ADAMTS16: variants seen among roughly 807,000 people sequenced by gnomAD.
The protein encoded by ADAMTS16 is A disintegrin and metalloproteinase with thrombospondin motifs 16.
Under a neutral mutation model 145.8 loss-of-function variants are expected in ADAMTS16, and 94 were observed. That is an observed-to-expected ratio of 0.64 (90% CI 0.55 to 0.77). The LOEUF is 0.77. Ranked by LOEUF, ADAMTS16 falls within the 30% of genes least tolerant of loss-of-function variation. ADAMTS16 has a pLI of 0.00. For synonymous variants in ADAMTS16, 659 were observed against 604.3 expected (o/e 1.09, Z -1.33); for missense variants, 1,585 against 1,591.5 (o/e 1.00, Z 0.07).
chr5:5,218,104 A>G (rs1736486544), intron 10 of ADAMTS16, among the ~76,000 whole-genome samples: 1 of 152,270 alleles, frequency 6.6e-6, no homozygotes, highest in African/African-American at 2.4e-5. Flanking sequence ...GACCTACAAC[A>G]ATAGTGCTTT....
rs75192078 is a variant in ADAMTS16 at position 5,301,829 on chromosome 5, C to T, written c.2790-1439C>T. Among the ~76,000 whole-genome samples, 1,235 of 152,296 alleles carry T rather than the reference C, an allele frequency of 8.1e-3. 40 individuals are homozygous for T. The highest frequency in any genetic ancestry group is 0.062 in the Admixed American group (950 of 15,300). On this transcript the variant is annotated intron_variant, in intron 18 of 22. Transcript: ENST00000274181. ...GCCGTAGAGTGGAAGACAGGATGCC[C>T]CTGTCCTGGGTTCTCAGCACAGACA...
At chr5:5,197,093 C>T (rs1166880901) in intron 8 of ADAMTS16, among the ~76,000 whole-genome samples, 2 of 152,156 alleles carry the variant, frequency 1.3e-5, no homozygotes, top group African/African-American at 4.8e-5. Flanking sequence ...TACCTGTGGT[C>T]GCCATCATTA....
chr5:5,262,921 G>A, intron 18 of ADAMTS16, 138 bp downstream of exon 18: 1 of 1,271,160 alleles, frequency 7.9e-7, no homozygotes. Context: ...AAGGGGACAA[G>A]AGCTGCCTGG....
intron 18 of ADAMTS16, among the ~76,000 whole-genome samples, chr5:5,287,099 T>C (rs924652918): frequency 2.0e-5 from 3 of 152,192 alleles, no homozygotes; most frequent in Non-Finnish European, 4.4e-5. Context: ...ATTCATTTCC[T>C]GGAGCTGATT....
intron 17 of ADAMTS16, among the ~76,000 whole-genome samples, chr5:5,259,048 G>C (rs867865241): frequency 2.6e-5 from 4 of 152,104 alleles, no homozygotes; most frequent in Non-Finnish European, 5.9e-5. Context: ...CCCACCCCTC[G>C]GTACCCGTGT....
intron 21 of ADAMTS16, 33 bp downstream of exon 21, chr5:5,306,761 C>T (rs755911183): frequency 1.6e-5 from 25 of 1,548,116 alleles, no homozygotes; most frequent in African/African-American, 6.8e-5. Context: ...GGAGAGTGGG[C>T]GAGCACAGCT....
At chr5:5,201,210 G>A (rs934610255) in intron 9 of ADAMTS16, among the ~76,000 whole-genome samples, 2 of 152,152 alleles carry the variant, frequency 1.3e-5, no homozygotes, top group Non-Finnish European at 2.9e-5. Flanking sequence ...CGGGACAAGG[G>A]TGGTGTTCCT....
chr5:5,276,913 G>A (rs892455482), intron 18 of ADAMTS16, among the ~76,000 whole-genome samples: 1 of 151,918 alleles, frequency 6.6e-6, no homozygotes, highest in Non-Finnish European at 1.5e-5. Context: ...TGTTTATTAA[G>A]AATAAATATG....
rs1030367437 is a variant in ADAMTS16 at position 5,241,928 on chromosome 5, T to C, written c.2524-125T>C. 39 of 1,139,670 alleles carry C rather than the reference T, an allele frequency of 3.4e-5. No homozygotes were observed. The Admixed American group carries it at 9.8e-4, about 29-fold the overall frequency. The allele number at this position is 1,139,670 out of a possible 1,614,324, so 70.6% of individuals were successfully genotyped here. On this transcript the variant is annotated intron_variant, in intron 16 of 22. Coordinates refer to ENST00000274181, the MANE Select transcript of ADAMTS16 (RefSeq NM_139056.4). ...TAAAGTTTGGATGATAGTCTGAATG[T>C]ATTTTATCATCATAACAAACTTCTT...
At chr5:5,170,245 G>T (rs1172983972) in intron 3 of ADAMTS16, among the ~76,000 whole-genome samples, 2 of 152,176 alleles carry the variant, frequency 1.3e-5, no homozygotes, top group African/African-American at 4.8e-5. Context: ...CCATTTTACT[G>T]AAGTGAGATA....
intron 18 of ADAMTS16, among the ~76,000 whole-genome samples, chr5:5,295,686 C>A (rs1330489998): frequency 6.6e-6 from 1 of 152,192 alleles, no homozygotes; most frequent in Admixed American, 6.5e-5. Flanking sequence ...CAGGGAGGAG[C>A]CCATCCAGGC....
At chr5:5,296,707 G>A (rs965948573) in intron 18 of ADAMTS16, among the ~76,000 whole-genome samples, 12 of 152,318 alleles carry the variant, frequency 7.9e-5, no homozygotes, top group African/African-American at 2.9e-4. Flanking sequence ...GCAGGTGTTT[G>A]AGAGCCCCAC....
Position 5,317,683 on chromosome 5 carries a change from C to A in ADAMTS16, c.3412-451C>A, listed in dbSNP as rs1734109843. Among the ~76,000 whole-genome samples the A allele has an allele frequency of 6.6e-6, 1 of 152,192 alleles. No individual in the cohort carries two copies. The highest frequency in any genetic ancestry group is 1.5e-5 in the Non-Finnish European group (1 of 68,046). ...AAAGTGCTGGGATTACAGGCATGAG[C>A]CACCGTGCCCGGCAGTATATTTACT... On this transcript the variant is annotated intron_variant, in intron 21 of 22. Coordinates refer to ENST00000274181, the MANE Select transcript of ADAMTS16 (RefSeq NM_139056.4). This position sits in a 1 kb window ranked among gnomAD's most constrained non-coding sequence, Gnocchi z 4.5.
At chr5:5,312,472 A>T (rs1579418716) in intron 21 of ADAMTS16, among the ~76,000 whole-genome samples, 1 of 133,120 alleles carries the variant, frequency 7.5e-6, no homozygotes. Context: ...TTTGAGACAG[A>T]GTTTTGCTCT....
chr5:5,266,689 G>A (rs930590515), intron 18 of ADAMTS16, among the ~76,000 whole-genome samples: 1 of 152,122 alleles, frequency 6.6e-6, no homozygotes, highest in Non-Finnish European at 1.5e-5. Flanking sequence ...CAGTGGGAAG[G>A]GAGCTCTCCT....
chr5:5,203,251 C>T (rs554318303), intron 9 of ADAMTS16, among the ~76,000 whole-genome samples: 5 of 152,262 alleles, frequency 3.3e-5, no homozygotes, highest in East Asian at 1.9e-4. Context: ...TCATTTTACT[C>T]GAAAACCAGT....
intron 3 of ADAMTS16, among the ~76,000 whole-genome samples, chr5:5,156,096 G>T (rs143908726): frequency 6.6e-6 from 1 of 152,188 alleles, no homozygotes; most frequent in Admixed American, 6.6e-5. Flanking sequence ...TAGACTGTCC[G>T]CATTGTGTGG....
At chr5:5,309,919 T>C (rs1164386189) in intron 21 of ADAMTS16, among the ~76,000 whole-genome samples, 1 of 151,608 alleles carries the variant, frequency 6.6e-6, no homozygotes, top group Non-Finnish European at 1.5e-5. Flanking sequence ...CCAGACGAGC[T>C]CATAAACAGT....
chr5:5,172,096 T>A (rs375035272), intron 3 of ADAMTS16, among the ~76,000 whole-genome samples: 44 of 152,262 alleles, frequency 2.9e-4, no homozygotes, highest in African/African-American at 1.0e-3. Flanking sequence ...ATGTCTGTAA[T>A]GTCTCCTTCG....
Sources: allele counts gnomAD v4.1 joint callset (sites outside exome capture counted in the v4.1 genomes callset), GRCh38; gene constraint gnomAD v4.1.1; non-coding constraint Gnocchi (gnomAD v3.1); transcripts MANE v1.5; gene names NCBI Gene and HGNC (gene_info 2026-07-23, HGNC 2026-07-21).